Variants in RPS6KC1 observed in about 807,000 individuals in gnomAD.
RPS6KC1 encodes ribosomal protein S6 kinase C1.
A neutral mutation model predicts 103.8 loss-of-function variants in RPS6KC1; 54 were observed. The ratio of observed to expected loss-of-function variants is 0.52; its 90% CI spans 0.42 to 0.65. The LOEUF (loss-of-function observed/expected upper bound fraction) is 0.65. Among genes scored for constraint, RPS6KC1 ranks in the 30% least tolerant of loss-of-function variants. The probability of loss-of-function intolerance (pLI) is 0.00; values close to 1 mark genes in which losing one functional copy is unlikely to be tolerated. For missense variants in RPS6KC1, 1,151 were observed against 1,253.8 expected, an observed-to-expected ratio of 0.92 and a Z score of 1.24; for synonymous variants, 439 against 438.7, an observed-to-expected ratio of 1.00 and a Z score of -0.01.
the RPS6KC1 span, among the ~76,000 whole-genome samples, chr1:213,648,509 G>A: frequency 2.0e-5 from 3 of 152,070 alleles, no homozygotes; most frequent in African/African-American, 7.2e-5. Flanking sequence ...AGATCAGAGA[G>A]TTTCATCCTA....
At chr1:213,129,941 GAAAA>G in intron 6 of RPS6KC1, 52 bp downstream of exon 6, 1 of 1,492,954 alleles carries the variant, frequency 6.7e-7, no homozygotes, top group African/African-American at 1.4e-5. Context: ...TGGTATGTGG[GAAAA>G]AAAAGTACAT....
chr1:213,390,186 C>T, the RPS6KC1 span, among the ~76,000 whole-genome samples: 3 of 152,256 alleles, frequency 2.0e-5, no homozygotes, highest in Non-Finnish European at 4.4e-5. Flanking sequence ...TACATCTCTC[C>T]CCCACCCCAG....
the RPS6KC1 span, among the ~76,000 whole-genome samples, chr1:213,645,368 A>G: frequency 6.6e-6 from 1 of 152,148 alleles, no homozygotes; most frequent in African/African-American, 2.4e-5. Context: ...CGGGTGAGAA[A>G]TTCATTGGCA....
the RPS6KC1 span, among the ~76,000 whole-genome samples, chr1:213,745,462 G>T: frequency 3.2e-4 from 48 of 151,674 alleles, no homozygotes; most frequent in Admixed American, 1.6e-3. Flanking sequence ...AGGGGGAAAA[G>T]GCTACAGCTC....
At chr1:213,602,120 C>CTTTCTTTCTTTCTTTGT in the RPS6KC1 span, among the ~76,000 whole-genome samples, 2 of 5,156 alleles carry the variant, frequency 3.9e-4, no homozygotes, top group South Asian at 9.4e-3. Flanking sequence ...TTCTTTCTTT[C>CTTTCTTTCTTTCTTTGT]TCTTTCTTTC....
the RPS6KC1 span, among the ~76,000 whole-genome samples, chr1:213,530,043 T>TA: frequency 6.7e-6 from 1 of 150,120 alleles, no homozygotes; most frequent in African/African-American, 2.5e-5. Flanking sequence ...TTATTATTAT[T>TA]ATTATTATTA....
chr1:213,203,916 G>A (rs779442638), intron 8 of RPS6KC1, among the ~76,000 whole-genome samples: 6 of 152,054 alleles, frequency 3.9e-5, no homozygotes, highest in African/African-American at 1.4e-4. Context: ...TTCCCATCCC[G>A]GAAGTATTTC....
the RPS6KC1 span, among the ~76,000 whole-genome samples, chr1:213,535,820 C>T: frequency 6.6e-6 from 1 of 152,122 alleles, no homozygotes; most frequent in Non-Finnish European, 1.5e-5. Flanking sequence ...AGGAGTCCCC[C>T]TCTTGTGTCG....
the RPS6KC1 span, among the ~76,000 whole-genome samples, chr1:213,576,329 T>C: frequency 6.6e-6 from 1 of 151,558 alleles, no homozygotes; most frequent in Non-Finnish European, 1.5e-5. Flanking sequence ...TGATTTAAAA[T>C]GCAGGTATAC....
intron 2 of RPS6KC1, among the ~76,000 whole-genome samples, chr1:213,071,454 G>A (rs924380096): frequency 4.6e-5 from 7 of 152,122 alleles, no homozygotes; most frequent in Admixed American, 1.3e-4. Flanking sequence ...ATATGTTTGC[G>A]TGAAGATTGT....
At chr1:213,742,524 C>T in the RPS6KC1 span, among the ~76,000 whole-genome samples, 1 of 152,212 alleles carries the variant, frequency 6.6e-6, no homozygotes, top group African/African-American at 2.4e-5. Context: ...ATTAAGATCC[C>T]CAACCTGCCA....
the RPS6KC1 span, among the ~76,000 whole-genome samples, chr1:213,491,308 G>A: frequency 2.0e-5 from 3 of 152,176 alleles, no homozygotes; most frequent in Non-Finnish European, 4.4e-5. Context: ...AGCATTTTGG[G>A]AGGTTGAGGT....
the RPS6KC1 span, among the ~76,000 whole-genome samples, chr1:213,790,447 G>A: frequency 3.3e-5 from 5 of 152,228 alleles, no homozygotes; most frequent in Non-Finnish European, 7.4e-5. Flanking sequence ...TAGGGAACAT[G>A]CAGTCAGAAA....
the RPS6KC1 span, among the ~76,000 whole-genome samples, chr1:213,396,477 T>C: frequency 1.3e-5 from 2 of 152,194 alleles, no homozygotes; most frequent in African/African-American, 2.4e-5. Context: ...ATACTCTGAC[T>C]GAGGACCCAT....
At chr1:213,752,857 C>G in the RPS6KC1 span, among the ~76,000 whole-genome samples, 1 of 152,122 alleles carries the variant, frequency 6.6e-6, no homozygotes, top group Non-Finnish European at 1.5e-5. Context: ...GACTCCTTCC[C>G]CTGCTATGTT....
Position 213,077,703 on chromosome 1 carries a change from T to A in RPS6KC1, c.149T>A (p.Val50Glu), listed in dbSNP as rs770026707. The change falls in exon 3 of 15, where the codon GTA becomes GAA. Residue 50 changes from valine to glutamate, a missense_variant. By Grantham distance (121) the Val-to-Glu change is moderately radical. Around this residue, in one of 3 missense-constraint regions of RPS6KC1, gnomAD observed 959 missense variants for 1,006.3 expected, o/e 0.95. Transcript: ENST00000366960. ...RNPEDVQEII[V>E]WKRYSDFKKL... ...TAATTTTTTTCTCTCTAGATAATTG[T>A]ATGGAAGAGATACAGTGATTTTAAG... The A allele has an allele frequency of 2.7e-6, 4 of 1,460,176 alleles. No homozygotes were observed. The South Asian group carries it at 5.4e-5, about 20-fold the overall frequency. The allele number at this position is 1,460,176 out of a possible 1,614,324, so 90.5% of individuals were successfully genotyped here.
chr1:213,409,308 C>T, the RPS6KC1 span, among the ~76,000 whole-genome samples: 7 of 151,944 alleles, frequency 4.6e-5, no homozygotes, highest in African/African-American at 1.2e-4. Context: ...GTGGGGATGC[C>T]GTGACAGACC....
the RPS6KC1 span, among the ~76,000 whole-genome samples, chr1:213,612,701 G>C: frequency 6.6e-6 from 1 of 152,146 alleles, no homozygotes; most frequent in Admixed American, 6.5e-5. Context: ...TAAATCCAAA[G>C]TTCTTTTGGA....
At chr1:213,751,233 CA>C in the RPS6KC1 span, among the ~76,000 whole-genome samples, 1 of 152,066 alleles carries the variant, frequency 6.6e-6, no homozygotes, top group Non-Finnish European at 1.5e-5. Flanking sequence ...ATCATCCTGG[CA>C]GCCAGGATGG....
Sources: allele counts gnomAD v4.1 joint callset (sites outside exome capture counted in the v4.1 genomes callset), GRCh38; gene constraint gnomAD v4.1.1; regional missense constraint gnomAD v4.1.1; transcripts MANE v1.5; gene names NCBI Gene and HGNC (gene_info 2026-07-23, HGNC 2026-07-21).